Variants in FRRS1L observed in about 807,000 individuals in gnomAD.
FRRS1L encodes ferric chelate reductase 1 like.
In FRRS1L, 22 loss-of-function variants were observed where a neutral mutation model predicts 28.6. That is an observed-to-expected ratio of 0.77 (90% CI 0.55 to 1.10). The LOEUF is 1.10. FRRS1L is among the 50% of genes least tolerant of loss of function. The pLI is 0.00. For missense variants in FRRS1L, 380 were observed against 386.9 expected (o/e 0.98, Z 0.15); for synonymous variants, 158 against 151.4 (o/e 1.04, Z -0.32).
chr9:109,155,075 A>C (rs1831387113), intron 1 of FRRS1L, among the ~76,000 whole-genome samples: 1 of 152,224 alleles, frequency 6.6e-6, no homozygotes, highest in Non-Finnish European at 1.5e-5. Flanking sequence ...TCACTCTGCC[A>C]ACAGCACCCC....
chr9:109,149,597 T>A (rs1438997471), intron 2 of FRRS1L, 39 bp downstream of exon 2: 2 of 1,342,776 alleles, frequency 1.5e-6, no homozygotes, highest in Non-Finnish European at 2.1e-6. Context: ...AGTAAATCAG[T>A]CTTAGCCTTA....
intron 1 of FRRS1L, among the ~76,000 whole-genome samples, chr9:109,160,869 T>C (rs1287678821): frequency 6.7e-6 from 1 of 148,442 alleles, no homozygotes; most frequent in Non-Finnish European, 1.5e-5. Context: ...CTTGGCTCAC[T>C]GCAAGCTCCG....
chr9:109,144,307 G>A (rs1831226481), intron 3 of FRRS1L, among the ~76,000 whole-genome samples: 1 of 152,140 alleles, frequency 6.6e-6, no homozygotes, highest in South Asian at 2.1e-4. Context: ...CTGCTTATCA[G>A]TCTTTTCCTA....
chr9:109,154,298 A>T (rs367565007), intron 1 of FRRS1L, among the ~76,000 whole-genome samples: 49 of 151,946 alleles, frequency 3.2e-4, no homozygotes, highest in Middle Eastern at 3.4e-3. Flanking sequence ...CTATCTTGGT[A>T]CTCCCTTTTT....
At chr9:109,140,642 T>C (rs562546118) in intron 4 of FRRS1L, 1 of 152,258 alleles carries the variant, frequency 6.6e-6, no homozygotes, top group South Asian at 2.1e-4. Flanking sequence ...CCTAATGAAA[T>C]GCTTGGTGTC....
chr9:109,141,178 A>G (rs1263617085), intron 4 of FRRS1L, 165 bp downstream of exon 4: 2 of 681,034 alleles, frequency 2.9e-6, no homozygotes, highest in African/African-American at 3.6e-5. Context: ...GTCCATTATA[A>G]TAAGTCCATT....
chr9:109,137,595 G>A lies in FRRS1L; in HGVS notation c.742C>T (p.Pro248Ser). 2 of 1,610,662 alleles carry A rather than the reference G, an allele frequency of 1.2e-6. No homozygotes were observed. Among genetic ancestry groups the A allele is most frequent in the Non-Finnish European group, 8.5e-7 (1 of 1,177,904 alleles). Residue 248 changes from proline to serine, a missense_variant, in exon 5 of 5, where the codon CCG (proline) becomes TCG (serine). By Grantham distance (74) the Pro-to-Ser change is moderately conservative. Coordinates refer to ENST00000561981, the MANE Select transcript of FRRS1L (RefSeq NM_014334.4). ...SITRHDIDSP[P>S]ASERVVSIYK... ...ATACTGACAACACGCTCTGAAGCCGGCGGTGAGTCTATATCATGTCGAGTG... is the reference window on the plus strand; with the variant it reads ...ATACTGACAACACGCTCTGAAGCCGACGGTGAGTCTATATCATGTCGAGTG...
intron 1 of FRRS1L, among the ~76,000 whole-genome samples, chr9:109,163,718 CTATT>C (rs2118515844): frequency 6.6e-6 from 1 of 152,242 alleles, no homozygotes; most frequent in Admixed American, 6.5e-5. Context: ...AGTTTCATGA[CTATT>C]TGAGACATAA....
intron 1 of FRRS1L, among the ~76,000 whole-genome samples, chr9:109,153,757 T>G (rs1165903843): frequency 6.6e-6 from 1 of 152,138 alleles, no homozygotes; most frequent in East Asian, 1.9e-4. Context: ...GGAACTGAAT[T>G]GCAGTACACC....
At chr9:109,160,585 A>G (rs1831468953) in intron 1 of FRRS1L, among the ~76,000 whole-genome samples, 1 of 151,566 alleles carries the variant, frequency 6.6e-6, no homozygotes, top group Non-Finnish European at 1.5e-5. Flanking sequence ...ATGGGGTATC[A>G]CTTTCTTGCC....
rs1443294249 is a variant in FRRS1L at position 109,131,181 on chromosome 9, CT to C, written c.*6273del. ...TAAGGAACCTAATTAAATACAAAAC[CT>C]GTATAGGTTGCATCAACATGCCAGT... On this transcript the variant is annotated 3_prime_UTR_variant, in exon 5 of 5. Transcript: ENST00000561981. 2 of 152,116 alleles carry C rather than the reference CT, an allele frequency of 1.3e-5. No homozygotes were observed. The highest frequency in any genetic ancestry group is 2.9e-5 in the Non-Finnish European group (2 of 68,028). The allele number at this position is 152,116 out of a possible 1,614,324, so 9.4% of individuals were successfully genotyped here.
rs553540396 is a variant in FRRS1L at position 109,166,890 on chromosome 9, C to T, written c.238+11G>A. 1.2e-5 allele frequency: 16 copies of T among 1,300,060 alleles called. No homozygotes were observed. The African/African-American group carries it at 1.4e-4, about 11-fold the overall frequency. The allele number at this position is 1,300,060 out of a possible 1,614,324, so 80.5% of individuals were successfully genotyped here. ...CCCCTCCCGCAACCCCTCGCCCTCC[C>T]GCAGCCTCACCCTCCTCCGACAGGT... On this transcript the variant is annotated intron_variant, in intron 1 of 4. Coordinates refer to ENST00000561981, the MANE Select transcript of FRRS1L (RefSeq NM_014334.4).
chr9:109,142,758 G>C (rs1831202854), intron 3 of FRRS1L, among the ~76,000 whole-genome samples: 1 of 151,438 alleles, frequency 6.6e-6, no homozygotes, highest in Non-Finnish European at 1.5e-5. Flanking sequence ...AGTGAGTCTT[G>C]TTTGTGCCAC....
intron 1 of FRRS1L, 26 bp downstream of exon 1, chr9:109,166,875 A>G: frequency 4.8e-6 from 2 of 419,814 alleles, no homozygotes; most frequent in Non-Finnish European, 6.2e-6. Flanking sequence ...CCCCTCCCGC[A>G]ACCCCTCGCC....
chr9:109,147,303 T>A, intron 2 of FRRS1L, 114 bp from the exon 3 acceptor site: 1 of 871,958 alleles, frequency 1.1e-6, no homozygotes, highest in Non-Finnish European at 1.8e-6. Flanking sequence ...CACATTGGAT[T>A]TTTGCTACCT....
At chr9:109,165,977 G>C (rs1831543067) in intron 1 of FRRS1L, among the ~76,000 whole-genome samples, 1 of 152,214 alleles carries the variant, frequency 6.6e-6, no homozygotes, top group Admixed American at 6.5e-5. Flanking sequence ...TTTTCTTTCT[G>C]TAAGAGAGAA....
intron 3 of FRRS1L, among the ~76,000 whole-genome samples, chr9:109,143,239 T>TGAGAGGTGGAGGCTGCA (rs1423688996): frequency 1.3e-5 from 2 of 151,650 alleles, no homozygotes; most frequent in African/African-American, 4.8e-5. Flanking sequence ...CGCTTGAACC[T>TGAGAGGTGGAGGCTGCA]GAGAGGTGGA....
At chr9:109,149,593 T>C (rs1831304055) in intron 2 of FRRS1L, 43 bp downstream of exon 2, 2 of 1,296,700 alleles carry the variant, frequency 1.5e-6, no homozygotes, top group East Asian at 4.6e-5. Context: ...GAGAAGTAAA[T>C]CAGTCTTAGC....
At chr9:109,150,676 T>C (rs1466578661) in intron 1 of FRRS1L, 1 of 152,178 alleles carries the variant, frequency 6.6e-6, no homozygotes, top group Non-Finnish European at 1.5e-5. Context: ...CTAACAGTTG[T>C]CTATCTTTCT....
Sources: gnomAD v4.1 joint callset for allele counts (sites outside exome capture counted in the v4.1 genomes callset) on GRCh38, gnomAD v4.1.1 for gene constraint, MANE v1.5 for transcripts, NCBI Gene and HGNC (gene_info 2026-07-23, HGNC 2026-07-21) for gene names.